The following CSMD1 variants were observed in gnomAD, a reference collection of about 807,000 sequenced individuals.
CSMD1 encodes CUB and Sushi multiple domains 1, also known as CUB and sushi domain-containing protein 1.
CSMD1 carries 213 observed loss-of-function variants against 417.5 expected under a neutral mutation model. That is an observed-to-expected ratio of 0.51 (90% CI 0.46 to 0.57). The LOEUF is 0.57. CSMD1 is among the 20% of genes least tolerant of loss of function. CSMD1 has a pLI of 0.00. For synonymous variants in CSMD1, 2,862 were observed against 1,736.8 expected, an observed-to-expected ratio of 1.65 and a Z score of -16.11; for missense variants, 6,923 against 4,529.7, an observed-to-expected ratio of 1.53 and a Z score of -15.17.
At chr8:3,404,871 A>G (rs1325213306) in intron 15 of CSMD1, among the ~76,000 whole-genome samples, 1 of 152,188 alleles carries the variant, frequency 6.6e-6, no homozygotes, top group African/African-American at 2.4e-5. Context: ...GATTTATCTA[A>G]TCAGTCCTCT....
In CSMD1 at chr8:3,892,749, A is replaced by G. The variant is rs988566288; in HGVS notation, c.818+105154T>C. On this transcript the variant is annotated intron_variant, in intron 5 of 69. Transcript: ENST00000635120. ...TTTTTTTTTTTTGCCACTTCTGTGC[A>G]TTATGAAGTTATTGCTAGCCATCGT... is the stretch of plus-strand genomic sequence containing the variant. Among the ~76,000 whole-genome samples, 3 of 124,674 alleles carry G rather than the reference A, an allele frequency of 2.4e-5. No individual in the cohort carries two copies. The Admixed American group carries it at 3.0e-4, about 13-fold the overall frequency. 81.8% of individuals were successfully genotyped at this position (124,674 alleles called of 152,430 possible). A position where few individuals can be genotyped will look rare whatever the true frequency, so the allele number is the denominator to read the frequency against.
intron 2 of CSMD1, among the ~76,000 whole-genome samples, chr8:4,600,675 A>G (rs964777257): frequency 6.6e-6 from 1 of 152,190 alleles, no homozygotes; most frequent in African/African-American, 2.4e-5. Flanking sequence ...TGACAAAATT[A>G]TTTCACAAAA....
intron 1 of CSMD1, among the ~76,000 whole-genome samples, chr8:4,839,938 G>C: frequency 6.6e-6 from 1 of 152,156 alleles, no homozygotes; most frequent in Non-Finnish European, 1.5e-5. Context: ...CTACAACACA[G>C]ACCCGGAGAC....
intron 30 of CSMD1, among the ~76,000 whole-genome samples, chr8:3,208,907 A>G (rs1046614743): frequency 6.6e-6 from 1 of 152,224 alleles, no homozygotes; most frequent in African/African-American, 2.4e-5. Flanking sequence ...GCCTGCAGAC[A>G]GCATATTGTG....
intron 1 of CSMD1, among the ~76,000 whole-genome samples, chr8:4,681,435 C>A (rs1806046048): frequency 6.6e-6 from 1 of 152,184 alleles, no homozygotes; most frequent in Non-Finnish European, 1.5e-5. Context: ...AAAACCCCAG[C>A]TTTTCCAGTC....
intron 1 of CSMD1, among the ~76,000 whole-genome samples, chr8:4,850,212 T>C (rs1041038523): frequency 6.6e-6 from 1 of 152,142 alleles, no homozygotes; most frequent in Non-Finnish European, 1.5e-5. Context: ...AACTGGGTTA[T>C]CTGTCATTTT....
chr8:4,100,955 G>A (rs376629122), intron 3 of CSMD1, among the ~76,000 whole-genome samples: 2 of 152,194 alleles, frequency 1.3e-5, no homozygotes, highest in African/African-American at 2.4e-5. Flanking sequence ...AGTATTGTCT[G>A]TAATCACTCC....
At chr8:4,329,052 T>C (rs1207645872) in intron 3 of CSMD1, among the ~76,000 whole-genome samples, 2 of 152,186 alleles carry the variant, frequency 1.3e-5, no homozygotes, top group Admixed American at 6.6e-5. Flanking sequence ...CCCTGGAGAA[T>C]AATCACATAA....
At chr8:3,298,664 G>T (rs1234555383) in intron 25 of CSMD1, among the ~76,000 whole-genome samples, 2 of 152,286 alleles carry the variant, frequency 1.3e-5, no homozygotes, top group East Asian at 3.9e-4. Context: ...ATGTTGATCA[G>T]GTTGGTCTTG....
rs758414733 is a variant in CSMD1 at position 3,493,645 on chromosome 8, C to G, written c.1426G>C (p.Asp476His). The stretch of plus-strand genomic sequence containing the variant: ...CACACGTACAAGACCGATCTGGTGT[C>G]TCCCACCTTCCCAGCATCACCAACC... ...LTVGDAGKVGDTRSVLYVLTG... is the reference protein window; with the variant it reads ...LTVGDAGKVGHTRSVLYVLTG... Residue 476 changes from aspartate to histidine, a missense_variant, in exon 11 of 70, where the codon GAC becomes CAC. By Grantham distance (81) the Asp-to-His change is moderately conservative. Transcript: ENST00000635120. 12 of 1,611,328 alleles carry G rather than the reference C, an allele frequency of 7.4e-6. No homozygotes were observed. In the South Asian group the frequency reaches 1.3e-4, roughly 18 times the overall value.
intron 3 of CSMD1, among the ~76,000 whole-genome samples, chr8:4,083,738 C>T (rs371689956): frequency 6.6e-6 from 1 of 152,078 alleles, no homozygotes; most frequent in Admixed American, 6.6e-5. Flanking sequence ...CATAAAAACC[C>T]TAGAAGAAAA....
At chr8:4,420,983 A>G (rs539925503) in intron 2 of CSMD1, among the ~76,000 whole-genome samples, 1 of 152,220 alleles carries the variant, frequency 6.6e-6, no homozygotes, top group Admixed American at 6.5e-5. Context: ...CTCAAATTGT[A>G]TTCATCTTTG....
At chr8:3,393,663 A>C (rs1811483643) in intron 17 of CSMD1, among the ~76,000 whole-genome samples, 1 of 152,112 alleles carries the variant, frequency 6.6e-6, no homozygotes, top group Non-Finnish European at 1.5e-5. Flanking sequence ...GCAACCATAA[A>C]AATTGATGAG....
intron 25 of CSMD1, among the ~76,000 whole-genome samples, chr8:3,303,328 C>T (rs1428082045): frequency 6.6e-6 from 1 of 152,096 alleles, no homozygotes; most frequent in Non-Finnish European, 1.5e-5. Context: ...CCTAGATCTC[C>T]AGTGCAATTT....
At chr8:3,734,653 G>C (rs1258801885) in intron 6 of CSMD1, among the ~76,000 whole-genome samples, 1 of 152,352 alleles carries the variant, frequency 6.6e-6, no homozygotes, top group South Asian at 2.1e-4. Flanking sequence ...GGAGGTCGCA[G>C]TGAGCCAAAA....
intron 53 of CSMD1, among the ~76,000 whole-genome samples, chr8:2,998,712 ATC>A (rs1243965706): frequency 6.6e-6 from 1 of 152,190 alleles, no homozygotes; most frequent in Non-Finnish European, 1.5e-5. Flanking sequence ...TTTGTTGAGA[ATC>A]TCTGTCATAT....
chr8:4,749,948 T>G (rs1218528645), intron 1 of CSMD1, among the ~76,000 whole-genome samples: 1 of 152,074 alleles, frequency 6.6e-6, no homozygotes, highest in Non-Finnish European at 1.5e-5. Flanking sequence ...GCCAAGGTCT[T>G]CATGGTTCCC....
At position 3,153,349 on chromosome 8, in the gene CSMD1, T is replaced by C. The variant is rs56695084; in HGVS notation, c.5915-1836A>G. Reference sequence around the variant, plus strand: ...ATGGGCAACCAGCAGCCCTCGGGGCTGCTCTGTCTATGGAGTAACCATTCT... The same window carrying C: ...ATGGGCAACCAGCAGCCCTCGGGGCCGCTCTGTCTATGGAGTAACCATTCT... On this transcript the variant is annotated intron_variant, in intron 39 of 69. Transcript: ENST00000635120. Among the ~76,000 whole-genome samples the C allele has an allele frequency of 4.4e-3, 674 of 152,324 alleles. 14 individuals are homozygous for C. In the South Asian group the frequency reaches 0.047, roughly 11 times the overall value.
chr8:4,581,783 T>A (rs1273311570), intron 2 of CSMD1, among the ~76,000 whole-genome samples: 1 of 152,136 alleles, frequency 6.6e-6, no homozygotes, highest in Admixed American at 6.5e-5. Context: ...AATTGCCTAT[T>A]GGCTATTGCT....
Sources: allele counts gnomAD v4.1 joint callset (sites outside exome capture counted in the v4.1 genomes callset), GRCh38; gene constraint gnomAD v4.1.1; transcripts MANE v1.5; gene names NCBI Gene and HGNC (gene_info 2026-07-23, HGNC 2026-07-21).